Variants in ACBD6 observed in about 807,000 individuals in gnomAD.
ACBD6 encodes the protein acyl-CoA-binding domain-containing protein 6.
Under a neutral mutation model 37.2 loss-of-function variants are expected in ACBD6, and 28 were observed. The ratio of observed to expected loss-of-function variants is 0.75; its 90% CI spans 0.56 to 1.03. ACBD6 has a LOEUF of 1.03. Among genes scored for constraint, ACBD6 ranks in the 50% least tolerant of loss-of-function variants. The pLI is 0.00. For missense variants in ACBD6, 340 were observed against 337.4 expected (o/e 1.01, Z -0.06); for synonymous variants, 113 against 126.8 (o/e 0.89, Z 0.73).
chr1:180,435,415 ATTTT>A (rs57053936), intron 3 of ACBD6: 607 of 293,894 alleles, frequency 2.1e-3, no homozygotes, highest in South Asian at 3.2e-3. Context: ...CGCCTGGCTA[ATTTT>A]TTTTTTTTTT....
chr1:180,492,208 T>C (rs1651531732), intron 3 of ACBD6, 61 bp downstream of exon 3: 3 of 1,256,536 alleles, frequency 2.4e-6, no homozygotes, highest in Non-Finnish European at 2.3e-6. Context: ...GTTTTAGACA[T>C]TTATTTCAGA....
intron 6 of ACBD6, among the ~76,000 whole-genome samples, chr1:180,335,346 G>A (rs1571375124): frequency 1.3e-5 from 2 of 152,190 alleles, no homozygotes; most frequent in South Asian, 4.2e-4. Context: ...GAGAGAGTGG[G>A]GGCCAATATT....
intron 7 of ACBD6, among the ~76,000 whole-genome samples, chr1:180,302,414 T>A (rs1342541380): frequency 6.6e-6 from 1 of 152,122 alleles, no homozygotes; most frequent in African/African-American, 2.4e-5. Context: ...ATTGGGTGCA[T>A]ATATATTTAG....
chr1:180,355,860 C>T (rs1028462450), intron 6 of ACBD6, among the ~76,000 whole-genome samples: 2 of 142,862 alleles, frequency 1.4e-5, no homozygotes, highest in Non-Finnish European at 3.1e-5. Context: ...CAGAATCTGT[C>T]ATATTGCTAT....
At chr1:180,423,999 AT>A (rs976548169) in intron 4 of ACBD6, among the ~76,000 whole-genome samples, 2 of 152,178 alleles carry the variant, frequency 1.3e-5, no homozygotes, top group South Asian at 2.1e-4. Context: ...AGGAAAGTAC[AT>A]TTTTTTAAAA....
chr1:180,288,067 G>A (rs1265065099), downstream of ACBD6, among the ~76,000 whole-genome samples: 1 of 152,160 alleles, frequency 6.6e-6, no homozygotes, highest in East Asian at 1.9e-4. Flanking sequence ...TTAATATTGT[G>A]AAATATGATC....
At chr1:180,366,024 C>T (rs1261360841) in intron 6 of ACBD6, among the ~76,000 whole-genome samples, 3 of 152,102 alleles carry the variant, frequency 2.0e-5, no homozygotes, top group Admixed American at 1.3e-4. Flanking sequence ...ATTCCTTCAT[C>T]ATTAATTGGT....
intron 6 of ACBD6, among the ~76,000 whole-genome samples, chr1:180,317,769 G>A (rs1020484534): frequency 6.6e-6 from 1 of 152,128 alleles, no homozygotes; most frequent in Non-Finnish European, 1.5e-5. Flanking sequence ...TTTGTCACTT[G>A]TAAACAAGAG....
chr1:180,358,682 T>A (rs1342537342), intron 6 of ACBD6, among the ~76,000 whole-genome samples: 1 of 152,172 alleles, frequency 6.6e-6, no homozygotes, highest in African/African-American at 2.4e-5. Flanking sequence ...CTTGAACAGT[T>A]GTGTCCTGAA....
At chr1:180,341,473 C>A (rs1651985220) in intron 6 of ACBD6, among the ~76,000 whole-genome samples, 1 of 151,920 alleles carries the variant, frequency 6.6e-6, no homozygotes, top group African/African-American at 2.4e-5. Context: ...TTATAGATGA[C>A]AAAGATTTTC....
chr1:180,466,341 T>C (rs1462867309), intron 3 of ACBD6, among the ~76,000 whole-genome samples: 1 of 152,166 alleles, frequency 6.6e-6, no homozygotes, highest in East Asian at 1.9e-4. Flanking sequence ...AAACATAACA[T>C]AGTCAAAGGA....
At chr1:180,445,430 T>C (rs1349275050) in intron 3 of ACBD6, among the ~76,000 whole-genome samples, 1 of 152,252 alleles carries the variant, frequency 6.6e-6, no homozygotes, top group Non-Finnish European at 1.5e-5. Flanking sequence ...ATATTTTCTA[T>C]GTGCTTATAC....
At chr1:180,370,253 G>T (rs1172019402) in intron 6 of ACBD6, among the ~76,000 whole-genome samples, 1 of 152,158 alleles carries the variant, frequency 6.6e-6, no homozygotes, top group Non-Finnish European at 1.5e-5. Context: ...TAGAGGAAAG[G>T]GAGTGAGGTT....
chr1:180,297,810 G>A (rs977260328), intron 7 of ACBD6, among the ~76,000 whole-genome samples: 16 of 152,132 alleles, frequency 1.1e-4, no homozygotes, highest in Non-Finnish European at 8.8e-5. Context: ...GCACGATCTT[G>A]GTTCACTGCA....
At chr1:180,500,256 TAAAAC>T (rs1651905900) in intron 1 of ACBD6, among the ~76,000 whole-genome samples, 1 of 152,096 alleles carries the variant, frequency 6.6e-6, no homozygotes, top group African/African-American at 2.4e-5. Flanking sequence ...ACATTTTTAA[TAAAAC>T]AAAATAGGCT....
chr1:180,470,846 A>AT lies in ACBD6; in HGVS notation c.384+21422dup, dbSNP rs1650537923. Among the ~76,000 whole-genome samples, 4 of 152,198 alleles carry AT rather than the reference A, an allele frequency of 2.6e-5. No individual in the cohort carries two copies. The South Asian group carries it at 8.3e-4, about 31-fold the overall frequency. On this transcript the variant is annotated intron_variant, in intron 3 of 7. Transcript: ENST00000367595. ...TTTTAAATAAAGTTAAATTGAATTG[A>AT]TTTTTTAAAGCACATAATTAAAATG...
chr1:180,468,384 AAAGGAGGCTAAGAAGGCCGCTGGTTT>A (rs1394057777), intron 3 of ACBD6, among the ~76,000 whole-genome samples: 1 of 152,172 alleles, frequency 6.6e-6, no homozygotes. Flanking sequence ...TCCTCACACC[AAAGGAGGCTAAGAAGGCCGCTGGTTT>A]AAGGAGGCAA....
exon 14 of ACBD6, chr1:180,271,199 G>T (rs909275050): frequency 1.7e-5 from 12 of 690,848 alleles, no homozygotes; most frequent in Middle Eastern, 3.9e-4. Context: ...GGGAAGGCCC[G>T]TGGTGCAGGA....
At chr1:180,270,442 T>C (rs1648576586) in exon 14 of ACBD6, 1 of 152,244 alleles carries the variant, frequency 6.6e-6, no homozygotes, top group Non-Finnish European at 1.5e-5. Flanking sequence ...AAAAGGGCAG[T>C]ATGCCTAAGT....
Sources: gnomAD v4.1 joint callset for allele counts (sites outside exome capture counted in the v4.1 genomes callset) on GRCh38, gnomAD v4.1.1 for gene constraint, MANE v1.5 for transcripts, NCBI Gene and HGNC (gene_info 2026-07-23, HGNC 2026-07-21) for gene names.